Variants in ASPRV1 observed in about 807,000 individuals in gnomAD.
The protein encoded by ASPRV1 is aspartic peptidase retroviral like 1.
A neutral mutation model predicts 11.0 loss-of-function variants in ASPRV1; 7 were observed. The ratio of observed to expected loss-of-function variants is 0.64; its 90% confidence interval spans 0.36 to 1.20. The LOEUF (loss-of-function observed/expected upper bound fraction) is 1.20. ASPRV1 is among the 50% of genes most tolerant of loss of function. ASPRV1 has a pLI of 0.02. For missense variants in ASPRV1, 299 were observed against 320.0 expected (o/e 0.93, Z 0.50); for synonymous variants, 136 against 138.4 (o/e 0.98, Z 0.12).
the ASPRV1 span, among the ~76,000 whole-genome samples, chr2:69,952,971 C>A: frequency 1.8e-4 from 28 of 152,352 alleles, no homozygotes; most frequent in Middle Eastern, 3.4e-3. Flanking sequence ...GCACAGAACC[C>A]CCAGGGCAAC....
the ASPRV1 span, among the ~76,000 whole-genome samples, chr2:70,037,547 C>A: frequency 7.2e-5 from 11 of 152,188 alleles, no homozygotes; most frequent in Non-Finnish European, 1.3e-4. Flanking sequence ...TGAGGCACTG[C>A]GCCTGGCTGA....
the ASPRV1 span, among the ~76,000 whole-genome samples, chr2:70,052,576 A>G: frequency 6.6e-6 from 1 of 152,132 alleles, no homozygotes; most frequent in South Asian, 2.1e-4. Flanking sequence ...CCCAATACCT[A>G]TACTTTGCTC....
At chr2:69,985,208 C>T in the ASPRV1 span, among the ~76,000 whole-genome samples, 1 of 151,932 alleles carries the variant, frequency 6.6e-6, no homozygotes, top group Non-Finnish European at 1.5e-5. Context: ...TTGCTCTTCC[C>T]TCTCTTCCTT....
the ASPRV1 span, among the ~76,000 whole-genome samples, chr2:70,014,983 A>G: frequency 6.6e-6 from 1 of 152,230 alleles, no homozygotes. Context: ...GACTTTGAAT[A>G]GTCTCCAAAG....
the ASPRV1 span, among the ~76,000 whole-genome samples, chr2:69,990,404 G>A: frequency 4.0e-5 from 6 of 150,830 alleles, no homozygotes; most frequent in Admixed American, 3.3e-4. Context: ...GGCTGGTCTC[G>A]AACTCCTGAC....
At chr2:69,998,724 G>A in the ASPRV1 span, among the ~76,000 whole-genome samples, 69 of 135,244 alleles carry the variant, frequency 5.1e-4, 2 homozygotes, top group East Asian at 8.6e-4. Flanking sequence ...GCAAGACTCC[G>A]TCTCAAAAAA....
the ASPRV1 span, among the ~76,000 whole-genome samples, chr2:70,079,794 T>C: frequency 6.6e-6 from 1 of 152,236 alleles, no homozygotes. Context: ...TCTTCTCTTT[T>C]AATCCACATA....
At chr2:70,061,575 G>A in the ASPRV1 span, among the ~76,000 whole-genome samples, 3 of 152,096 alleles carry the variant, frequency 2.0e-5, no homozygotes, top group East Asian at 3.8e-4. Context: ...GAAGGGGCCT[G>A]GGATGAGACT....
chr2:70,077,932 C>T, the ASPRV1 span, among the ~76,000 whole-genome samples: 1 of 151,970 alleles, frequency 6.6e-6, no homozygotes, highest in African/African-American at 2.4e-5. Flanking sequence ...CTCTGGGAGG[C>T]GGAGGTGGGG....
the ASPRV1 span, among the ~76,000 whole-genome samples, chr2:70,062,540 A>G: frequency 1.3e-5 from 2 of 152,320 alleles, no homozygotes; most frequent in East Asian, 3.9e-4. Flanking sequence ...GAACAAGGCT[A>G]ATGAAGAAAG....
chr2:69,991,798 G>C, the ASPRV1 span, among the ~76,000 whole-genome samples: 1 of 152,096 alleles, frequency 6.6e-6, no homozygotes, highest in African/African-American at 2.4e-5. Flanking sequence ...CGCCCACCTC[G>C]GCCTCCCAAA....
the ASPRV1 span, among the ~76,000 whole-genome samples, chr2:70,085,199 G>T: frequency 1.3e-5 from 2 of 152,186 alleles, no homozygotes; most frequent in Non-Finnish European, 2.9e-5. Context: ...GCTGACGGAA[G>T]CAAGTCAGTC....
the ASPRV1 span, chr2:70,056,588 G>C: frequency 1.0e-5 from 1 of 97,856 alleles, no homozygotes; most frequent in Non-Finnish European, 1.7e-5. Flanking sequence ...CTGGGCGACA[G>C]AGCGAGACTC....
At chr2:70,085,123 G>C in the ASPRV1 span, among the ~76,000 whole-genome samples, 1 of 152,218 alleles carries the variant, frequency 6.6e-6, no homozygotes, top group African/African-American at 2.4e-5. Flanking sequence ...CTTGGTGCCA[G>C]AGCGAATTTA....
chr2:70,061,274 A>T, the ASPRV1 span, among the ~76,000 whole-genome samples: 1 of 152,094 alleles, frequency 6.6e-6, no homozygotes, highest in Non-Finnish European at 1.5e-5. Flanking sequence ...GCACGCCTGT[A>T]GTCCCAGCTA....
At chr2:70,056,709 GTTTT>G in the ASPRV1 span, 1 of 124,174 alleles carries the variant, frequency 8.1e-6, no homozygotes, top group Non-Finnish European at 1.6e-5. Context: ...TTTTATGTGT[GTTTT>G]TTTACAACTG....
the ASPRV1 span, among the ~76,000 whole-genome samples, chr2:69,949,103 T>C: frequency 6.6e-6 from 1 of 152,278 alleles, no homozygotes; most frequent in African/African-American, 2.4e-5. Context: ...TTTCACTTTC[T>C]CTTATCACCA....
chr2:70,072,160 C>A, the ASPRV1 span, among the ~76,000 whole-genome samples: 1 of 151,856 alleles, frequency 6.6e-6, no homozygotes, highest in Non-Finnish European at 1.5e-5. Context: ...CCACATTGGC[C>A]AGTCTGGTCT....
chr2:70,087,028 T>C, the ASPRV1 span: 1 of 116,170 alleles, frequency 8.6e-6, no homozygotes. Context: ...AGAGGGCTGC[T>C]GCCCCTCCCA....
Sources: allele counts gnomAD v4.1 joint callset (sites outside exome capture counted in the v4.1 genomes callset), GRCh38; gene constraint gnomAD v4.1.1; transcripts MANE v1.5; gene names NCBI Gene and HGNC (gene_info 2026-07-23, HGNC 2026-07-21).